PUS7L: variants seen among roughly 807,000 people sequenced by gnomAD.
PUS7L encodes the protein pseudouridylate synthase PUS7L.
In PUS7L, 49 loss-of-function variants were observed where a neutral mutation model predicts 51.1. The ratio of observed to expected loss-of-function variants is 0.96; its 90% confidence interval spans 0.76 to 1.22. The LOEUF (loss-of-function observed/expected upper bound fraction) is 1.22, where lower values mean the gene tolerates loss of function less well. PUS7L is among the 50% of genes most tolerant of loss of function. The pLI is 0.00. For synonymous variants in PUS7L, 277 were observed against 276.2 expected, an observed-to-expected ratio of 1.00 and a Z score of -0.03; for missense variants, 828 against 820.6, an observed-to-expected ratio of 1.01 and a Z score of -0.11.
intron 2 of PUS7L, among the ~76,000 whole-genome samples, chr12:43,749,099 C>T (rs1378390114): frequency 6.6e-6 from 1 of 152,166 alleles, no homozygotes. Flanking sequence ...CTGGTTGGCT[C>T]ATTGAAGGCT....
chr12:43,730,766 T>C, intron 8 of PUS7L, 64 bp from the exon 9 acceptor site: 10 of 1,120,298 alleles, frequency 8.9e-6, no homozygotes, highest in Non-Finnish European at 1.2e-5. Context: ...ATCATATTTT[T>C]AATGTACTTT....
At chr12:43,743,968 C>A (rs931545600) in intron 4 of PUS7L, among the ~76,000 whole-genome samples, 1 of 152,108 alleles carries the variant, frequency 6.6e-6, no homozygotes, top group African/African-American at 2.4e-5. Flanking sequence ...ACTTCAAAGA[C>A]TCCTTATTTT....
At chr12:43,758,144 G>A in intron 1 of PUS7L, 2 of 209,374 alleles carry the variant, frequency 9.6e-6, no homozygotes, top group Non-Finnish European at 1.7e-5. Context: ...GAACATAGCT[G>A]TAGGGATTGG....
intron 3 of PUS7L, among the ~76,000 whole-genome samples, chr12:43,747,408 T>C (rs942228462): frequency 6.6e-6 from 1 of 152,144 alleles, no homozygotes; most frequent in Admixed American, 6.5e-5. Context: ...ATATAATAAA[T>C]GTTGGCTGGG....
chr12:43,738,566 T>G (rs1215417596), intron 5 of PUS7L, among the ~76,000 whole-genome samples, 175 bp from the exon 6 acceptor site: 2 of 152,208 alleles, frequency 1.3e-5, no homozygotes, highest in African/African-American at 4.8e-5. Context: ...AATGTAGAAA[T>G]AAGCCTTCTG....
chr12:43,738,453 A>C, intron 5 of PUS7L, 62 bp from the exon 6 acceptor site: 1 of 875,698 alleles, frequency 1.1e-6, no homozygotes, highest in Non-Finnish European at 1.9e-6. Context: ...TCTTTAAAAA[A>C]AGATGCAAAT....
intron 5 of PUS7L, among the ~76,000 whole-genome samples, chr12:43,740,441 C>G (rs1262799850): frequency 6.6e-6 from 1 of 152,024 alleles, no homozygotes; most frequent in Non-Finnish European, 1.5e-5. Flanking sequence ...ATTAAATAAG[C>G]AATAACAATA....
chr12:43,742,865 C>T (rs1330991723), intron 4 of PUS7L, among the ~76,000 whole-genome samples: 1 of 152,166 alleles, frequency 6.6e-6, no homozygotes, highest in African/African-American at 2.4e-5. Context: ...TTCTGGGCTT[C>T]CAAAATGAGT....
At chr12:43,748,652 C>G in intron 2 of PUS7L, 43 bp from the exon 3 acceptor site, 1 of 1,447,884 alleles carries the variant, frequency 6.9e-7, no homozygotes, top group Non-Finnish European at 9.4e-7. Context: ...AAGCAGCTAC[C>G]ATACATCAAT....
chr12:43,758,344 C>T, intron 1 of PUS7L: 1 of 985,538 alleles, frequency 1.0e-6, no homozygotes, highest in Non-Finnish European at 1.2e-6. Flanking sequence ...TATTCCCATT[C>T]AACAGAGACT....
intron 8 of PUS7L, 52 bp downstream of exon 8, chr12:43,731,653 G>A (rs892058404): frequency 7.8e-6 from 8 of 1,029,416 alleles, no homozygotes; most frequent in Non-Finnish European, 1.2e-5. Context: ...TGCTTTTTGG[G>A]GACAATGTCT....
chr12:43,741,598 A>G (rs1937900341), intron 5 of PUS7L, among the ~76,000 whole-genome samples: 1 of 152,250 alleles, frequency 6.6e-6, no homozygotes, highest in Non-Finnish European at 1.5e-5. Flanking sequence ...TCTAGACTGA[A>G]GAACCACTGC....
chr12:43,757,296 G>A (rs770447431), intron 1 of PUS7L, among the ~76,000 whole-genome samples: 4 of 152,168 alleles, frequency 2.6e-5, no homozygotes, highest in East Asian at 1.9e-4. Flanking sequence ...TCAGCCTCCC[G>A]AGTAGCTGGG....
In PUS7L at chr12:43,736,473, A is replaced by C. The variant is rs772454224; in HGVS notation, c.1633T>G (p.Tyr545Asp). Reference protein sequence around the residue: ...TSKIWNEAVSYRLETYGARVV... With the variant: ...TSKIWNEAVSDRLETYGARVV... ...CTTGCTCCATAGGTTTCAAGTCTGTAAGATACTGCCTCATTCCAAATTTTG... is the reference window on the plus strand; with the variant it reads ...CTTGCTCCATAGGTTTCAAGTCTGTCAGATACTGCCTCATTCCAAATTTTG... The change falls in exon 7 of 9, where the codon TAC (tyrosine) becomes GAC (aspartate). Residue 545 changes from tyrosine to aspartate, a missense_variant. Coordinates refer to ENST00000344862, the MANE Select transcript of PUS7L (RefSeq NM_031292.5). 7.4e-5 allele frequency: 120 copies of C among 1,614,086 alleles called. No individual in the cohort carries two copies. Among genetic ancestry groups the C allele is most frequent in the Admixed American group, 1.0e-4 (6 of 59,992 alleles).
At chr12:43,735,258 A>C (rs1332506390) in intron 7 of PUS7L, among the ~76,000 whole-genome samples, 2 of 152,050 alleles carry the variant, frequency 1.3e-5, no homozygotes, top group African/African-American at 4.8e-5. Flanking sequence ...CAGAGCTTGC[A>C]GTGAGCCGAG....
Position 43,721,975 on chromosome 12 carries a change from G to T in PUS7L, c.*8401C>A, listed in dbSNP as rs1353780674. 1 of 152,144 alleles carries T rather than the reference G, an allele frequency of 6.6e-6. No individual in the cohort carries two copies. The highest frequency in any genetic ancestry group is 1.5e-5 in the Non-Finnish European group (1 of 68,008). 9.4% of individuals were successfully genotyped at this position (152,144 alleles called of 1,614,324 possible). A position where few individuals can be genotyped will look rare whatever the true frequency, so the allele number is the denominator to read the frequency against. On this transcript the variant is annotated 3_prime_UTR_variant, in exon 9 of 9. Transcript: ENST00000344862. Reference sequence around the variant, plus strand: ...GAAAAATAAATTACCTTCAGGTTATGTGTATAAGGTATATATGAAACATAA... The same window carrying T: ...GAAAAATAAATTACCTTCAGGTTATTTGTATAAGGTATATATGAAACATAA...
intron 5 of PUS7L, among the ~76,000 whole-genome samples, chr12:43,738,660 CATTT>C (rs1321913191): frequency 1.3e-5 from 2 of 151,892 alleles, no homozygotes; most frequent in African/African-American, 4.8e-5. Flanking sequence ...CTACTTTTGT[CATTT>C]TTTTTAAATA....
intron 2 of PUS7L, among the ~76,000 whole-genome samples, chr12:43,749,926 A>C: frequency 6.6e-6 from 1 of 152,126 alleles, no homozygotes; most frequent in East Asian, 1.9e-4. Context: ...AAGGCTGAAA[A>C]ACTACCTGTT....
chr12:43,756,346 A>AT (rs938982620), intron 1 of PUS7L, among the ~76,000 whole-genome samples: 16 of 152,050 alleles, frequency 1.1e-4, no homozygotes, highest in African/African-American at 3.9e-4. Context: ...AGTAAAGGCT[A>AT]TTTTTTCTTT....
Sources: allele counts gnomAD v4.1 joint callset (sites outside exome capture counted in the v4.1 genomes callset), GRCh38; gene constraint gnomAD v4.1.1; transcripts MANE v1.5; gene names NCBI Gene and HGNC (gene_info 2026-07-23, HGNC 2026-07-21).